The following MROH2B variants were observed in gnomAD, a reference collection of about 807,000 sequenced individuals.
The protein encoded by MROH2B is maestro heat like repeat family member 2B.
MROH2B carries 177 observed loss-of-function variants against 208.6 expected under a neutral mutation model. The observed-to-expected ratio is 0.85, with a 90% CI of 0.75 to 0.96. The LOEUF is 0.96. Ranked by LOEUF, MROH2B falls within the 40% of genes least tolerant of loss-of-function variation. MROH2B has a pLI of 0.00. For synonymous variants in MROH2B, 728 were observed against 659.0 expected, an observed-to-expected ratio of 1.10 and a Z score of -1.60; for missense variants, 2,002 against 1,878.7, an observed-to-expected ratio of 1.07 and a Z score of -1.21.
At chr5:41,031,836 G>T (rs1164190138) in intron 24 of MROH2B, among the ~76,000 whole-genome samples, 1 of 151,946 alleles carries the variant, frequency 6.6e-6, no homozygotes, top group Non-Finnish European at 1.5e-5. Context: ...AGTGGTATTT[G>T]GTTTTCCTGC....
rs1741626477 is a variant in MROH2B at position 41,007,313 on chromosome 5, C to T, written c.3749+1G>A. 2 of 1,397,966 alleles carry T rather than the reference C, an allele frequency of 1.4e-6. No individual in the cohort carries two copies. The highest frequency in any genetic ancestry group is 3.2e-5 in the Admixed American group (1 of 30,874). The allele number at this position is 1,397,966 out of a possible 1,614,324, so 86.6% of individuals were successfully genotyped here. Reference sequence around the variant, plus strand: ...CTGGTTCTAGAAAAAGTGCACATTACCTGGCCAGTGAACATACGCCTATGT... The same window carrying T: ...CTGGTTCTAGAAAAAGTGCACATTATCTGGCCAGTGAACATACGCCTATGT... On this transcript the variant is annotated splice_donor_variant, in intron 34 of 41. Transcript: ENST00000399564. LOFTEE classifies it high-confidence loss of function.
In MROH2B at chr5:41,032,797, C is replaced by A. The variant is rs751187629; in HGVS notation, c.2386G>T (p.Asp796Tyr). 1 of 1,612,366 alleles carries A rather than the reference C, an allele frequency of 6.2e-7. No individual in the cohort carries two copies. Among genetic ancestry groups the A allele is most frequent in the East Asian group, 2.2e-5 (1 of 44,862 alleles). ...MLDFIRDEPL[D>Y]SLASPIRWKA... ...CACCGAATAGGGCTAGCTAAGGAAT[C>A]CAGGGGCTCGTCTCTAATGAAGTCC... The change falls in exon 24 of 42, where the codon GAT (aspartate) becomes TAT (tyrosine). Residue 796 changes from aspartate (D) to tyrosine (Y), a missense_variant. Asp to Tyr is a radical substitution (Grantham distance 160, BLOSUM62 -3). Transcript: ENST00000399564.
chr5:40,999,250 C>T (rs1210820457), intron 40 of MROH2B, among the ~76,000 whole-genome samples: 2 of 152,170 alleles, frequency 1.3e-5, no homozygotes, highest in Non-Finnish European at 1.5e-5. Flanking sequence ...GCTGCTGGCC[C>T]CCACATGAAC....
intron 12 of MROH2B, chr5:41,051,431 T>C (rs12332614): frequency 0.079 from 13,485 of 170,038 alleles, 582 homozygotes; most frequent in African/African-American, 0.12. Context: ...TTATTTCAGT[T>C]GTGACTAATT....
At chr5:41,015,032 A>C (rs1250192135) in intron 29 of MROH2B, among the ~76,000 whole-genome samples, 2 of 152,176 alleles carry the variant, frequency 1.3e-5, no homozygotes, top group Non-Finnish European at 2.9e-5. Flanking sequence ...TCCTCACAAC[A>C]ACCACAAAAT....
chr5:41,030,019 G>A (rs553111570), intron 24 of MROH2B, among the ~76,000 whole-genome samples: 1 of 151,930 alleles, frequency 6.6e-6, no homozygotes, highest in South Asian at 2.1e-4. Flanking sequence ...GAGTGAAAAG[G>A]CAACCTATTA....
Position 41,051,030 on chromosome 5 carries a change from T to C in MROH2B, c.1291A>G (p.Thr431Ala), listed in dbSNP as rs368672505. 2 of 1,565,328 alleles carry C rather than the reference T, an allele frequency of 1.3e-6. No individual in the cohort carries two copies. The highest frequency in any genetic ancestry group is 1.7e-6 in the Non-Finnish European group (2 of 1,162,894). Reference protein sequence around the residue: ...NEKEEESVRETSLEVLKTLDP... With the variant: ...NEKEEESVREASLEVLKTLDP... ...AGGGTTTTTAAGACCTCAAGGCTTGTTTCTCGGACAGATTCCTCTTCCTTT... is the reference window on the plus strand; with the variant it reads ...AGGGTTTTTAAGACCTCAAGGCTTGCTTCTCGGACAGATTCCTCTTCCTTT... Residue 431 changes from threonine to alanine, a missense_variant, in exon 13 of 42, where the codon ACA (threonine) becomes GCA (alanine). Thr to Ala is a moderately conservative substitution (Grantham distance 58). Transcript: ENST00000399564.
intron 37 of MROH2B, 148 bp from the exon 38 acceptor site, chr5:41,000,981 G>A: frequency 1.1e-6 from 1 of 907,510 alleles, no homozygotes; most frequent in East Asian, 2.7e-5. Flanking sequence ...GCCTCTAAAT[G>A]TTCCAAGAAC....
chr5:41,004,790 G>A lies in MROH2B; in HGVS notation c.3995C>T (p.Ser1332Phe). The A allele has an allele frequency of 6.2e-7, 1 of 1,613,818 alleles. No individual in the cohort carries two copies. Among genetic ancestry groups the A allele is most frequent in the Non-Finnish European group, 8.5e-7 (1 of 1,179,852 alleles). ...MAIRGLGNTA[S>F]GAPHKVKKHK... Reference sequence around the variant, plus strand: ...GCCTTTTACCTTGTGAGGAGCCCCGGATGCTGTGTTGCCGAGCCCTCGGAT... The same window carrying A: ...GCCTTTTACCTTGTGAGGAGCCCCGAATGCTGTGTTGCCGAGCCCTCGGAT... Residue 1332 changes from serine to phenylalanine, a missense_variant, in exon 36 of 42, where the codon TCC (serine) becomes TTC (phenylalanine). Physicochemically the swap from Ser to Phe is radical, Grantham distance 155. Coordinates refer to ENST00000399564, the MANE Select transcript of MROH2B (RefSeq NM_173489.5).
chr5:40,998,531 AC>A, intron 41 of MROH2B, 80 bp downstream of exon 41: 3 of 1,154,026 alleles, frequency 2.6e-6, no homozygotes, highest in Non-Finnish European at 3.8e-6. Flanking sequence ...TTCTGGGCTG[AC>A]GTGGAACTTA....
chr5:41,046,754 G>T (rs1024205871), intron 17 of MROH2B, among the ~76,000 whole-genome samples: 1 of 152,254 alleles, frequency 6.6e-6, no homozygotes, highest in Non-Finnish European at 1.5e-5. Context: ...AGTAAAGACA[G>T]TTATTTTAAA....
intron 40 of MROH2B, 83 bp from the exon 41 acceptor site, chr5:40,998,760 T>C: frequency 8.9e-7 from 1 of 1,123,652 alleles, no homozygotes; most frequent in South Asian, 1.4e-5. Context: ...ACTCTGCACC[T>C]GGTGAGAAGG....
chr5:41,045,707 A>C (rs1554050363), intron 18 of MROH2B, 39 bp downstream of exon 18: 1 of 1,482,758 alleles, frequency 6.7e-7, no homozygotes, highest in Non-Finnish European at 9.4e-7. Flanking sequence ...TTTGGATCAT[A>C]GGTAAAAGCT....
At chr5:41,066,516 A>G (rs1487212395) in intron 3 of MROH2B, among the ~76,000 whole-genome samples, 1 of 152,192 alleles carries the variant, frequency 6.6e-6, no homozygotes, top group Non-Finnish European at 1.5e-5. Flanking sequence ...GGGATAAGAC[A>G]CCAAAGGGCT....
In MROH2B at chr5:41,033,853, C is replaced by A. The variant is rs760125195; in HGVS notation, c.2226G>T (p.Met742Ile). 32 of 1,546,496 alleles carry A rather than the reference C, an allele frequency of 2.1e-5. 1 individual carries two copies. In the Middle Eastern group the frequency reaches 8.3e-4, roughly 40 times the overall value. The change falls in exon 22 of 42, where the codon ATG (methionine) becomes ATT (isoleucine). Residue 742 changes from methionine (M) to isoleucine (I), a missense_variant. Coordinates refer to ENST00000399564, the MANE Select transcript of MROH2B (RefSeq NM_173489.5). ...LHGQCSQVLG[M>I]SVMNKDMDLQ... ...TCTCTCCTACCTTGTTCATCACAGA[C>A]ATGCCCAGAACCTAAAAAAAATCAA...
At chr5:41,060,184 T>G (rs1032750163) in intron 6 of MROH2B, among the ~76,000 whole-genome samples, 1 of 152,210 alleles carries the variant, frequency 6.6e-6, no homozygotes, top group African/African-American at 2.4e-5. Context: ...CTGACTCCTC[T>G]GATCAGTTCC....
intron 39 of MROH2B, 164 bp from the exon 40 acceptor site, chr5:40,999,943 A>C (rs1741332778): frequency 1.4e-6 from 1 of 696,724 alleles, no homozygotes. Context: ...ATCTACATTT[A>C]ATCAGGAAGC....
At chr5:41,062,930 A>G (rs1477650273) in intron 5 of MROH2B, among the ~76,000 whole-genome samples, 1 of 152,136 alleles carries the variant, frequency 6.6e-6, no homozygotes, top group East Asian at 1.9e-4. Context: ...TTGCTGGTTC[A>G]TGGTATGTGA....
At chr5:41,044,292 G>A (rs894526134) in intron 18 of MROH2B, among the ~76,000 whole-genome samples, 1 of 150,778 alleles carries the variant, frequency 6.6e-6, no homozygotes, top group Non-Finnish European at 1.5e-5. Context: ...CCAACCTCAA[G>A]TATACCTTGT....
Sources: allele counts gnomAD v4.1 joint callset (sites outside exome capture counted in the v4.1 genomes callset), GRCh38; gene constraint gnomAD v4.1.1; transcripts MANE v1.5; gene names NCBI Gene and HGNC (gene_info 2026-07-23, HGNC 2026-07-21).